Variants in CSRNP3 observed in about 807,000 individuals in gnomAD.
CSRNP3 encodes cysteine/serine-rich nuclear protein 3.
Under a neutral mutation model 48.0 loss-of-function variants are expected in CSRNP3, and 12 were observed. The ratio of observed to expected loss-of-function variants is 0.25; its 90% CI spans 0.16 to 0.41. The LOEUF (loss-of-function observed/expected upper bound fraction) is 0.41. CSRNP3 is among the 10% of genes least tolerant of loss of function. The probability of loss-of-function intolerance (pLI) is 1.00; values close to 1 mark genes in which losing one functional copy is unlikely to be tolerated. For synonymous variants in CSRNP3, 263 were observed against 269.7 expected, an observed-to-expected ratio of 0.98 and a Z score of 0.24; for missense variants, 580 against 724.4, an observed-to-expected ratio of 0.80 and a Z score of 2.29.
At chr2:165,658,935 C>G (rs1196098094) in intron 5 of CSRNP3, among the ~76,000 whole-genome samples, 2 of 152,098 alleles carry the variant, frequency 1.3e-5, no homozygotes, top group Admixed American at 6.5e-5. Context: ...CTACCTTGTG[C>G]CAGGAGGGAA....
At chr2:165,601,991 T>C (rs958606243) in intron 4 of CSRNP3, among the ~76,000 whole-genome samples, 3 of 152,156 alleles carry the variant, frequency 2.0e-5, no homozygotes, top group Non-Finnish European at 4.4e-5. Flanking sequence ...CAAAGTGATA[T>C]ATTCCAAACA....
chr2:165,520,166 G>T (rs1684632638), intron 3 of CSRNP3, among the ~76,000 whole-genome samples: 1 of 152,078 alleles, frequency 6.6e-6, no homozygotes, highest in South Asian at 2.1e-4. Context: ...ATTTTTATTA[G>T]AAAATATATA....
rs1448012504 is a variant in CSRNP3, at chr2:165,667,032, A to AG, written c.408+9012_408+9013insG. ...AAGGAAGGAAGGAAAGAGAGAGAGG[A>AG]AGAAAGAAAGAGAGAGAGAAAGGAA... is the stretch of plus-strand genomic sequence containing the variant. On this transcript the variant is annotated intron_variant, in intron 5 of 6. Transcript: ENST00000651982. Among the ~76,000 whole-genome samples the AG allele has an allele frequency of 1.6e-3, 44 of 26,792 alleles. 15 individuals carry two copies. The highest frequency in any genetic ancestry group is 0.015 in the East Asian group (13 of 876). The allele number at this position is 26,792 out of a possible 152,430, so 17.6% of individuals were successfully genotyped here.
chr2:165,656,621 T>C lies in CSRNP3; in HGVS notation c.149-1140T>C, dbSNP rs547517921. Among the ~76,000 whole-genome samples, 17 of 152,350 alleles carry C rather than the reference T, an allele frequency of 1.1e-4. No individual in the cohort carries two copies. In the East Asian group the frequency reaches 2.1e-3, roughly 19 times the overall value. On this transcript the variant is annotated intron_variant, in intron 4 of 6. Transcript: ENST00000651982. ...CATTTGTCCCAATGTATACTTGCAT[T>C]AGAATCCCATTGTTCATAATGCTAT...
intron 1 of CSRNP3, among the ~76,000 whole-genome samples, chr2:165,480,256 C>T (rs1214362782): frequency 6.6e-6 from 1 of 152,148 alleles, no homozygotes; most frequent in South Asian, 2.1e-4. Context: ...AGGTCAAGCC[C>T]ACCCGCATAA....
At chr2:165,584,651 A>C (rs996284934) in intron 3 of CSRNP3, among the ~76,000 whole-genome samples, 5 of 152,240 alleles carry the variant, frequency 3.3e-5, no homozygotes, top group Non-Finnish European at 5.9e-5. Flanking sequence ...ATTAAACAAC[A>C]AAAAGCTTAT....
intron 6 of CSRNP3, among the ~76,000 whole-genome samples, chr2:165,677,303 T>C (rs1573964067): frequency 6.6e-6 from 1 of 152,226 alleles, no homozygotes. Context: ...GAATTGAGTA[T>C]TGTGGTTGCC....
chr2:165,685,776 C>G lies in CSRNP3; in HGVS notation c.*6023C>G, dbSNP rs898347997. ...TGTCATCTCTCATAAAAGTTTCTGG[C>G]AGGACTAAAGTTTCAAAGGAATGTG... On this transcript the variant is annotated 3_prime_UTR_variant, in exon 7 of 7. Coordinates refer to ENST00000651982, the MANE Select transcript of CSRNP3 (RefSeq NM_001172173.2). 2 of 152,020 alleles carry G rather than the reference C, an allele frequency of 1.3e-5. No homozygotes were observed. The highest frequency in any genetic ancestry group is 2.9e-5 in the Non-Finnish European group (2 of 67,966). The allele number at this position is 152,020 out of a possible 1,614,324, so 9.4% of individuals were successfully genotyped here. A position where few individuals can be genotyped will look rare whatever the true frequency, so the allele number is the denominator to read the frequency against.
At chr2:165,625,533 C>G (rs1476201112) in intron 4 of CSRNP3, among the ~76,000 whole-genome samples, 1 of 151,532 alleles carries the variant, frequency 6.6e-6, no homozygotes, top group Non-Finnish European at 1.5e-5. Flanking sequence ...ACTTGGGAAG[C>G]TGAGACAGGA....
chr2:165,666,905 A>AGAGAG (rs1687226740), intron 5 of CSRNP3, among the ~76,000 whole-genome samples: 1 of 99,934 alleles, frequency 1.0e-5, no homozygotes, highest in Non-Finnish European at 2.2e-5. Flanking sequence ...GAGAAAAAGG[A>AGAGAG]AGGGCGGAAG....
intron 1 of CSRNP3, among the ~76,000 whole-genome samples, chr2:165,485,851 A>G (rs1001569479): frequency 6.6e-6 from 1 of 152,208 alleles, no homozygotes; most frequent in Non-Finnish European, 1.5e-5. Flanking sequence ...TAGCACCACA[A>G]GTGGTACAAG....
At chr2:165,608,738 A>G (rs374077627) in intron 4 of CSRNP3, among the ~76,000 whole-genome samples, 1 of 151,652 alleles carries the variant, frequency 6.6e-6, no homozygotes, top group East Asian at 1.9e-4. Flanking sequence ...TGTGATGACT[A>G]TTAAAATCCC....
At chr2:165,600,663 T>C (rs935496155) in intron 4 of CSRNP3, among the ~76,000 whole-genome samples, 6 of 152,250 alleles carry the variant, frequency 3.9e-5, no homozygotes, top group Admixed American at 3.3e-4. Flanking sequence ...GTGATTTTGA[T>C]TTGCATTTCT....
chr2:165,670,246 C>A (rs1687306339), intron 5 of CSRNP3, among the ~76,000 whole-genome samples: 2 of 152,142 alleles, frequency 1.3e-5, no homozygotes, highest in Admixed American at 1.3e-4. Context: ...CACCCCACTG[C>A]CAGCCCCACT....
chr2:165,591,776 G>A (rs933327710), intron 3 of CSRNP3, among the ~76,000 whole-genome samples: 1 of 152,180 alleles, frequency 6.6e-6, no homozygotes. Flanking sequence ...CTCTGCCTAG[G>A]GTTCGCAGGA....
At position 165,688,024 on chromosome 2, in the gene CSRNP3, G is replaced by T. The variant is rs1170259633; in HGVS notation, c.*8271G>T. On this transcript the variant is annotated 3_prime_UTR_variant, in exon 7 of 7. Coordinates refer to ENST00000651982, the MANE Select transcript of CSRNP3 (RefSeq NM_001172173.2). ...TTACTCCCCACAAATAACACTAGGG[G>T]GAAATGACCTTTTTTATTTAAAAAA... The T allele has an allele frequency of 1.4e-5, 2 of 141,388 alleles. No individual in the cohort carries two copies. The highest frequency in any genetic ancestry group is 3.1e-5 in the Non-Finnish European group (2 of 65,114). 8.8% of individuals were successfully genotyped at this position (141,388 alleles called of 1,614,324 possible).
At chr2:165,486,215 C>T (rs1451263303) in intron 1 of CSRNP3, among the ~76,000 whole-genome samples, 1 of 152,154 alleles carries the variant, frequency 6.6e-6, no homozygotes, top group African/African-American at 2.4e-5. Flanking sequence ...TCACTCCCAC[C>T]CGATTATTGC....
At chr2:165,622,551 A>G (rs1686357614) in intron 4 of CSRNP3, among the ~76,000 whole-genome samples, 2 of 152,318 alleles carry the variant, frequency 1.3e-5, no homozygotes, top group South Asian at 4.1e-4. Context: ...GTGAAGGCTC[A>G]ATGGGTTTGA....
chr2:165,560,243 T>TA (rs1007832351), intron 3 of CSRNP3, among the ~76,000 whole-genome samples: 1 of 152,196 alleles, frequency 6.6e-6, no homozygotes, highest in African/African-American at 2.4e-5. Flanking sequence ...ACTTCTTTCC[T>TA]AAAAATGTTT....
Sources: gnomAD v4.1 joint callset for allele counts (sites outside exome capture counted in the v4.1 genomes callset) on GRCh38, gnomAD v4.1.1 for gene constraint, MANE v1.5 for transcripts, NCBI Gene and HGNC (gene_info 2026-07-23, HGNC 2026-07-21) for gene names.